The following SPPL3 variants were observed in gnomAD, a reference collection of about 807,000 sequenced individuals.
SPPL3 encodes the protein signal peptide peptidase like 3.
Under a neutral mutation model 42.4 loss-of-function variants are expected in SPPL3, and 5 were observed. That is an observed-to-expected ratio of 0.12 (90% CI 0.06 to 0.25). The LOEUF is 0.25. SPPL3 is among the 10% of genes least tolerant of loss of function. The probability of loss-of-function intolerance (pLI) is 1.00; values close to 1 mark genes in which losing one functional copy is unlikely to be tolerated. For missense variants in SPPL3, 235 were observed against 489.0 expected (o/e 0.48, Z 4.90); for synonymous variants, 195 against 181.8 (o/e 1.07, Z -0.58).
intron 1 of SPPL3, among the ~76,000 whole-genome samples, chr12:120,877,613 T>C (rs189147018): frequency 2.6e-5 from 4 of 151,890 alleles, no homozygotes; most frequent in South Asian, 4.1e-4. Context: ...AGACCCTGTC[T>C]CTAGTAAAAA....
chr12:120,866,186 A>C (rs1593002774), intron 1 of SPPL3, among the ~76,000 whole-genome samples: 1 of 152,138 alleles, frequency 6.6e-6, no homozygotes, highest in East Asian at 1.9e-4. Context: ...ATGTGCTTGA[A>C]TCATCCCCAA....
At chr12:120,790,796 G>A (rs566081500) in intron 3 of SPPL3, among the ~76,000 whole-genome samples, 3 of 151,276 alleles carry the variant, frequency 2.0e-5, no homozygotes, top group South Asian at 2.1e-4. Context: ...TATAGGAGGT[G>A]AAGAGGTATT....
At chr12:120,889,206 T>C (rs1400309342) in intron 1 of SPPL3, among the ~76,000 whole-genome samples, 1 of 152,172 alleles carries the variant, frequency 6.6e-6, no homozygotes, top group Non-Finnish European at 1.5e-5. Flanking sequence ...GAAATGTGCC[T>C]ATATGAAATG....
chr12:120,899,040 T>C (rs1873892289), intron 1 of SPPL3, among the ~76,000 whole-genome samples: 1 of 152,214 alleles, frequency 6.6e-6, no homozygotes, highest in Non-Finnish European at 1.5e-5. Context: ...CTCATAAATA[T>C]ACAGGAAGAA....
intron 1 of SPPL3, among the ~76,000 whole-genome samples, chr12:120,886,298 C>CT (rs1362622143): frequency 6.6e-6 from 1 of 152,150 alleles, no homozygotes; most frequent in Non-Finnish European, 1.5e-5. Context: ...GTCTCTAACA[C>CT]TATAAACTTC....
At chr12:120,866,915 C>A (rs1872771603) in intron 1 of SPPL3, among the ~76,000 whole-genome samples, 1 of 152,154 alleles carries the variant, frequency 6.6e-6, no homozygotes, top group African/African-American at 2.4e-5. Flanking sequence ...TTTCATCTTT[C>A]CTCAAATAGA....
intron 6 of SPPL3, among the ~76,000 whole-genome samples, chr12:120,781,585 T>G (rs76785345): frequency 1.7e-5 from 2 of 118,182 alleles, no homozygotes; most frequent in Admixed American, 8.9e-5. Flanking sequence ...TTTTTTTTTT[T>G]TTTTTTGAGA....
At chr12:120,817,245 T>A (rs1242933207) in intron 1 of SPPL3, among the ~76,000 whole-genome samples, 2 of 152,254 alleles carry the variant, frequency 1.3e-5, no homozygotes, top group Admixed American at 6.5e-5. Flanking sequence ...CAATGAGCCA[T>A]GATCGTGCCA....
At chr12:120,860,064 G>A (rs560205504) in intron 1 of SPPL3, among the ~76,000 whole-genome samples, 126 of 152,248 alleles carry the variant, frequency 8.3e-4, no homozygotes, top group Middle Eastern at 3.4e-3. Context: ...AACATAGTGA[G>A]ACCCCCATCT....
At chr12:120,848,990 T>C (rs541115165) in intron 1 of SPPL3, among the ~76,000 whole-genome samples, 2 of 152,118 alleles carry the variant, frequency 1.3e-5, no homozygotes, top group South Asian at 2.1e-4. Flanking sequence ...TATGTAAATA[T>C]CCATCTCTAC....
chr12:120,846,447 T>C (rs2137030456), intron 1 of SPPL3, among the ~76,000 whole-genome samples: 1 of 152,350 alleles, frequency 6.6e-6, no homozygotes, highest in East Asian at 1.9e-4. Context: ...GACGAAATAA[T>C]CGACAGTGTC....
At chr12:120,778,768 T>C (rs1238587999) in intron 6 of SPPL3, among the ~76,000 whole-genome samples, 1 of 152,230 alleles carries the variant, frequency 6.6e-6, no homozygotes. Context: ...CAAATCATTG[T>C]ACTGGTCAAA....
At chr12:120,871,415 C>G (rs1295265333) in intron 1 of SPPL3, among the ~76,000 whole-genome samples, 1 of 152,050 alleles carries the variant, frequency 6.6e-6, no homozygotes, top group Non-Finnish European at 1.5e-5. Flanking sequence ...GGGATTGATT[C>G]CAGGATCCCC....
intron 1 of SPPL3, among the ~76,000 whole-genome samples, chr12:120,879,113 CAAAAAAAAAAA>C (rs63543261): frequency 1.5e-5 from 1 of 65,142 alleles, no homozygotes; most frequent in Non-Finnish European, 3.2e-5. Context: ...AACTCTGTCT[CAAAAAAAAAAA>C]AAAAAAAAAA....
chr12:120,811,782 T>TA (rs1870689808), intron 1 of SPPL3, among the ~76,000 whole-genome samples: 1 of 152,160 alleles, frequency 6.6e-6, no homozygotes, highest in South Asian at 2.1e-4. Flanking sequence ...CAGTAATAAA[T>TA]AAGAGTGCCT....
intron 2 of SPPL3, among the ~76,000 whole-genome samples, chr12:120,806,764 G>A (rs1352405888): frequency 2.6e-5 from 4 of 151,542 alleles, no homozygotes; most frequent in South Asian, 2.1e-4. Flanking sequence ...GGAGAATGGC[G>A]TGAAGCCGGG....
At chr12:120,896,240 C>A (rs912024946) in intron 1 of SPPL3, among the ~76,000 whole-genome samples, 1 of 152,148 alleles carries the variant, frequency 6.6e-6, no homozygotes, top group Non-Finnish European at 1.5e-5. Flanking sequence ...GGAGCTCAAC[C>A]TAGTCGTTCC....
intron 1 of SPPL3, among the ~76,000 whole-genome samples, chr12:120,813,911 C>T (rs1870777335): frequency 6.6e-6 from 1 of 152,058 alleles, no homozygotes; most frequent in Non-Finnish European, 1.5e-5. Flanking sequence ...AAGTTTTGCC[C>T]TCAGGCCCCC....
chr12:120,784,634 C>CAGTG, intron 3 of SPPL3, 41 bp from the exon 4 acceptor site: 1 of 1,544,534 alleles, frequency 6.5e-7, no homozygotes, highest in Non-Finnish European at 8.8e-7. Flanking sequence ...TTATTATGCA[C>CAGTG]CAGGCACTGT....
Sources: gnomAD v4.1 joint callset for allele counts (sites outside exome capture counted in the v4.1 genomes callset) on GRCh38, gnomAD v4.1.1 for gene constraint, MANE v1.5 for transcripts, NCBI Gene and HGNC (gene_info 2026-07-23, HGNC 2026-07-21) for gene names.